Variants in IGSF3 observed in about 807,000 individuals in gnomAD.
IGSF3 encodes immunoglobulin superfamily member 3, also known as glu-Trp-Ile EWI motif-containing protein 3.
Under a neutral mutation model 114.4 loss-of-function variants are expected in IGSF3, and 23 were observed. The ratio of observed to expected loss-of-function variants is 0.20; its 90% CI spans 0.14 to 0.28. IGSF3 has a LOEUF of 0.28. Among genes scored for constraint, IGSF3 ranks in the 10% least tolerant of loss-of-function variants. IGSF3 has a pLI of 1.00. For synonymous variants in IGSF3, 571 were observed against 645.2 expected (o/e 0.88, Z 1.74); for missense variants, 1,172 against 1,591.5 (o/e 0.74, Z 4.48).
At chr1:116,641,548 GAAAA>G (rs1251070193) in intron 2 of IGSF3, among the ~76,000 whole-genome samples, 3 of 78,448 alleles carry the variant, frequency 3.8e-5, no homozygotes, top group Non-Finnish European at 5.4e-5. Context: ...AAGAAAGAAA[GAAAA>G]AGAAAGAAGG....
chr1:116,663,487 G>A (rs1219483443), intron 2 of IGSF3, among the ~76,000 whole-genome samples: 1 of 151,866 alleles, frequency 6.6e-6, no homozygotes, highest in Non-Finnish European at 1.5e-5. Context: ...TGGAACCAAG[G>A]GTTGTGGTGG....
chr1:116,635,944 C>T (rs1001345104), intron 2 of IGSF3, among the ~76,000 whole-genome samples: 2 of 152,222 alleles, frequency 1.3e-5, no homozygotes, highest in Non-Finnish European at 2.9e-5. Flanking sequence ...TAAGTCAAAT[C>T]CTTAACTCAT....
In IGSF3 at chr1:116,593,389, G is replaced by A. The variant is rs1441138325; in HGVS notation, c.2030-4285C>T. 1.3e-5 allele frequency among the ~76,000 whole-genome samples: 2 copies of A among 152,212 alleles called. No homozygotes were observed. Among genetic ancestry groups the A allele is most frequent in the Non-Finnish European group, 2.9e-5 (2 of 68,040 alleles). ...GCACGTGCAAAGAGATGGGCACTGA[G>A]GGAGGAAGACACTGCTCTTTATTAA... is the stretch of plus-strand genomic sequence containing the variant. On this transcript the variant is annotated intron_variant, in intron 7 of 10. Transcript: ENST00000369486. The surrounding 1 kb of genome is among the most constrained non-coding windows in gnomAD (Gnocchi z 4.5).
chr1:116,579,233 G>A lies in IGSF3; in HGVS notation c.3334+159C>T, dbSNP rs886795260. Among the ~76,000 whole-genome samples, 3 of 152,104 alleles carry A rather than the reference G, an allele frequency of 2.0e-5. No individual in the cohort carries two copies. Among genetic ancestry groups the A allele is most frequent in the Non-Finnish European group, 4.4e-5 (3 of 68,032 alleles). ...ATGGGTAATCAAGGGTCAATTATATGAACTAATATGTCCAATCCCACCATA... is the reference window on the plus strand; with the variant it reads ...ATGGGTAATCAAGGGTCAATTATATAAACTAATATGTCCAATCCCACCATA... On this transcript the variant is annotated intron_variant, in intron 10 of 10. Transcript: ENST00000369486. The surrounding 1 kb of genome is among the most constrained non-coding windows in gnomAD (Gnocchi z 6.4).
rs769041139 is a variant in IGSF3, at chr1:116,661,074, C to T, written c.43+5210G>A. Among the ~76,000 whole-genome samples the T allele has an allele frequency of 2.6e-5, 4 of 152,096 alleles. No individual in the cohort carries two copies. The highest frequency in any genetic ancestry group is 4.4e-5 in the Non-Finnish European group (3 of 68,024). On this transcript the variant is annotated intron_variant, in intron 2 of 10. Transcript: ENST00000369486. This position sits in a 1 kb window ranked among gnomAD's most constrained non-coding sequence, Gnocchi z 4.0. The stretch of plus-strand genomic sequence containing the variant: ...TTGGGAGGCCAAGGCAGGCGGATCA[C>T]GAGGTCAGGAGTTTGAGACCAGTGT...
intron 5 of IGSF3, among the ~76,000 whole-genome samples, chr1:116,606,892 G>A (rs1660811996): frequency 6.6e-6 from 1 of 152,194 alleles, no homozygotes; most frequent in Admixed American, 6.5e-5. Context: ...GTATGTGTGT[G>A]CATGGTTTTT....
At chr1:116,586,391 G>T (rs1042595380) in intron 8 of IGSF3, among the ~76,000 whole-genome samples, 22 of 150,982 alleles carry the variant, frequency 1.5e-4, no homozygotes, top group African/African-American at 4.4e-4. Flanking sequence ...GGGGATTTTT[G>T]TGTGTGTGTG....
At position 116,655,875 on chromosome 1, in the gene IGSF3, A is replaced by G. The variant is rs1301923419; in HGVS notation, c.43+10409T>C. ...TATGTATTTTTTGAAGAAAATATGC[A>G]GAATAAACAAGTCAATTATTCTCAC... On this transcript the variant is annotated intron_variant, in intron 2 of 10. Coordinates refer to ENST00000369486, the MANE Select transcript of IGSF3 (RefSeq NM_001007237.3). The surrounding 1 kb of genome is among the most constrained non-coding windows in gnomAD (Gnocchi z 4.3). 6.6e-6 allele frequency among the ~76,000 whole-genome samples: 1 copy of G among 152,228 alleles called. No individual in the cohort carries two copies. The highest frequency in any genetic ancestry group is 6.5e-5 in the Admixed American group (1 of 15,286).
Position 116,574,961 on chromosome 1 carries a change from C to A in IGSF3, c.*2351G>T, listed in dbSNP as rs1463670016. 2 of 152,628 alleles carry A rather than the reference C, an allele frequency of 1.3e-5. No homozygotes were observed. Among genetic ancestry groups the A allele is most frequent in the African/African-American group, 4.8e-5 (2 of 41,446 alleles). The allele number at this position is 152,628 out of a possible 1,614,324, so 9.5% of individuals were successfully genotyped here. A position where few individuals can be genotyped will look rare whatever the true frequency, so the allele number is the denominator to read the frequency against. The stretch of plus-strand genomic sequence containing the variant: ...AAAGCAATTATTAAAATACTGGCTT[C>A]GGTTTCTTTTTTTCCTTTCAAATTT... On this transcript the variant is annotated 3_prime_UTR_variant, in exon 11 of 11. Transcript: ENST00000369486. This position sits in a 1 kb window ranked among gnomAD's most constrained non-coding sequence, Gnocchi z 5.2.
At chr1:116,609,766 C>T (rs1399216775) in intron 4 of IGSF3, among the ~76,000 whole-genome samples, 2 of 152,032 alleles carry the variant, frequency 1.3e-5, no homozygotes, top group Non-Finnish European at 2.9e-5. Context: ...CCATTCATCC[C>T]GTCCTAGGCA....
In IGSF3 at chr1:116,584,767, G is replaced by A; in HGVS notation, c.2726C>T (p.Ala909Val). Residue 909 changes from alanine (A) to valine (V), a missense_variant, in exon 9 of 11, where the codon GCT becomes GTT. Ala to Val is a moderately conservative substitution (Grantham distance 64, BLOSUM62 0). Around this residue, in one of 3 missense-constraint regions of IGSF3, gnomAD observed 423 missense variants for 509.8 expected, o/e 0.83. Coordinates refer to ENST00000369486, the MANE Select transcript of IGSF3 (RefSeq NM_001007237.3). This position sits in a 1 kb window ranked among gnomAD's most constrained non-coding sequence, Gnocchi z 5.8. ...GVYRLFIQNV[A>V]VQDSGTYSCH... ...GCTGTAGGTCCCGCTGTCCTGCACA[G>A]CCACGTTCTGGATGAAGAGACGGTA... The A allele has an allele frequency of 6.2e-7, 1 of 1,614,220 alleles. No homozygotes were observed.
Position 116,600,145 on chromosome 1 carries a change from T to C in IGSF3, c.1825A>G (p.Arg609Gly), listed in dbSNP as rs1417261012. 1.2e-6 allele frequency: 2 copies of C among 1,613,954 alleles called. No homozygotes were observed. Among genetic ancestry groups the C allele is most frequent in the Non-Finnish European group, 1.7e-6 (2 of 1,179,874 alleles). ...TRDGGVQWGD[R>G]SSSFRTRTAI... ...GTTCGGGTTCGGAAGCTGGAGGACC[T>C]GTCCCCCCACTGGACCCCTCCGTCC... is the stretch of plus-strand genomic sequence containing the variant. The change falls in exon 7 of 11, where the codon AGG becomes GGG. Residue 609 changes from arginine to glycine, a missense_variant. By Grantham distance (125) the Arg-to-Gly change is moderately radical. Around this residue, in one of 3 missense-constraint regions of IGSF3, gnomAD observed 736 missense variants for 1,042.0 expected, o/e 0.71. Coordinates refer to ENST00000369486, the MANE Select transcript of IGSF3 (RefSeq NM_001007237.3). The surrounding 1 kb of genome is among the most constrained non-coding windows in gnomAD (Gnocchi z 5.5).
chr1:116,650,412 T>G lies in IGSF3; in HGVS notation c.43+15872A>C, dbSNP rs572614389. 1.3e-5 allele frequency among the ~76,000 whole-genome samples: 2 copies of G among 152,348 alleles called. No individual in the cohort carries two copies. The highest frequency in any genetic ancestry group is 2.4e-5 in the African/African-American group (1 of 41,584). ...TTTCCTTTTACAATGAAAAACATCT[T>G]TCCCAGAATCTCCCAGCAGACTTCT... On this transcript the variant is annotated intron_variant, in intron 2 of 10. Coordinates refer to ENST00000369486, the MANE Select transcript of IGSF3 (RefSeq NM_001007237.3). This position sits in a 1 kb window ranked among gnomAD's most constrained non-coding sequence, Gnocchi z 5.0.
chr1:116,607,927 C>A lies in IGSF3; in HGVS notation c.1222+15G>T, dbSNP rs374805330. The A allele has an allele frequency of 4.5e-4, 729 of 1,610,880 alleles. 3 individuals are homozygous for A. The African/African-American group carries it at 6.6e-3, about 15-fold the overall frequency. On this transcript the variant is annotated intron_variant, in intron 5 of 10. Coordinates refer to ENST00000369486, the MANE Select transcript of IGSF3 (RefSeq NM_001007237.3). This position sits in a 1 kb window ranked among gnomAD's most constrained non-coding sequence, Gnocchi z 6.1. ...TGAGCCAAAGGAGAAGAAAGCAGCA[C>A]ATCTCTCTACTTACTGAGGGGGAGG...
chr1:116,656,353 T>C (rs1358862519), intron 2 of IGSF3, among the ~76,000 whole-genome samples: 2 of 132,938 alleles, frequency 1.5e-5, no homozygotes, highest in East Asian at 2.2e-4. Context: ...CAGGCTGGAG[T>C]GCAGTGGCGC....
rs542441283 is a variant in IGSF3, at chr1:116,661,067, C to T, written c.43+5217G>A. Among the ~76,000 whole-genome samples, 3 of 152,190 alleles carry T rather than the reference C, an allele frequency of 2.0e-5. No homozygotes were observed. Among genetic ancestry groups the T allele is most frequent in the East Asian group, 1.9e-4 (1 of 5,168 alleles). The stretch of plus-strand genomic sequence containing the variant: ...CAGCATTTTGGGAGGCCAAGGCAGG[C>T]GGATCACGAGGTCAGGAGTTTGAGA... On this transcript the variant is annotated intron_variant, in intron 2 of 10. Coordinates refer to ENST00000369486, the MANE Select transcript of IGSF3 (RefSeq NM_001007237.3). The surrounding 1 kb of genome is among the most constrained non-coding windows in gnomAD (Gnocchi z 4.0).
Position 116,648,018 on chromosome 1 carries a change from C to T in IGSF3, c.43+18266G>A, listed in dbSNP as rs1237036019. On this transcript the variant is annotated intron_variant, in intron 2 of 10. Transcript: ENST00000369486. This position sits in a 1 kb window ranked among gnomAD's most constrained non-coding sequence, Gnocchi z 4.7. ...ACTCGGGAGGCTGAGGCAGGAGAATCGCTTGAACCTGGGAGGCAGAGGTTG... is the reference window on the plus strand; with the variant it reads ...ACTCGGGAGGCTGAGGCAGGAGAATTGCTTGAACCTGGGAGGCAGAGGTTG... Among the ~76,000 whole-genome samples the T allele has an allele frequency of 6.6e-6, 1 of 152,102 alleles. No individual in the cohort carries two copies.
chr1:116,635,073 AAG>A (rs941937635), intron 2 of IGSF3, among the ~76,000 whole-genome samples: 21 of 152,220 alleles, frequency 1.4e-4, no homozygotes, highest in African/African-American at 5.1e-4. Context: ...GACTTCATGA[AAG>A]AGAATAAACT....
Position 116,608,054 on chromosome 1 carries a change from A to G in IGSF3, c.1110T>C (p.Asp370=), listed in dbSNP as rs779359279. The G allele has an allele frequency of 3.1e-6, 5 of 1,613,896 alleles. No homozygotes were observed. The highest frequency in any genetic ancestry group is 4.5e-5 in the East Asian group (2 of 44,882). The change falls in exon 5 of 11, where the codon GAT becomes GAC. Residue 370 remains aspartate (D), a synonymous_variant. Transcript: ENST00000369486. ...TCACCCGGCAGTTGTATTTCCCGCT[A>G]TCTTCCTGGCGGAGGTGGTAGATCT... ...VLKIYHLRQE[D]SGKYNCRVTE...
Sources: gnomAD v4.1 joint callset for allele counts (sites outside exome capture counted in the v4.1 genomes callset) on GRCh38, gnomAD v4.1.1 for gene constraint, gnomAD v4.1.1 regional missense constraint, Gnocchi (gnomAD v3.1) non-coding constraint, MANE v1.5 for transcripts, NCBI Gene and HGNC (gene_info 2026-07-23, HGNC 2026-07-21) for gene names.